Variants in UNC13A observed in about 807,000 individuals in gnomAD.
The protein encoded by UNC13A is unc-13 homolog A.
A neutral mutation model predicts 219.7 loss-of-function variants in UNC13A; 61 were observed. The ratio of observed to expected loss-of-function variants is 0.28; its 90% CI spans 0.23 to 0.34. UNC13A has a LOEUF of 0.34. Ranked by LOEUF, UNC13A falls within the 10% of genes least tolerant of loss-of-function variation. UNC13A has a pLI of 1.00. For synonymous variants in UNC13A, 920 were observed against 884.6 expected (o/e 1.04, Z -0.71); for missense variants, 1,476 against 2,270.3 (o/e 0.65, Z 7.11).
At chr19:17,672,124 T>C (rs1232281361) in intron 4 of UNC13A, among the ~76,000 whole-genome samples, 2 of 151,814 alleles carry the variant, frequency 1.3e-5, no homozygotes, top group African/African-American at 4.8e-5. Flanking sequence ...CTTTCGGTGG[T>C]TGGAATGAAG....
chr19:17,604,567 G>A lies in UNC13A; in HGVS notation c.*1487C>T, dbSNP rs1279512345. 1 of 152,186 alleles carries A rather than the reference G, an allele frequency of 6.6e-6. No homozygotes were observed. Among genetic ancestry groups the A allele is most frequent in the Non-Finnish European group, 1.5e-5 (1 of 68,100 alleles). 9.4% of individuals were successfully genotyped at this position (152,186 alleles called of 1,614,324 possible). On this transcript the variant is annotated 3_prime_UTR_variant, in exon 44 of 44. Transcript: ENST00000519716. ...GAAACCCAGCTACTCAGCTCACCCC[G>A]TTTTCATTTCTCCCTAGCACAGCAA...
chr19:17,605,360 G>C lies in UNC13A; in HGVS notation c.*694C>G, dbSNP rs776192318. On this transcript the variant is annotated 3_prime_UTR_variant, in exon 44 of 44. Coordinates refer to ENST00000519716, the MANE Select transcript of UNC13A (RefSeq NM_001080421.3). Reference sequence around the variant, plus strand: ...GACTGGGTTTGTTGGGGGAGAGGGAGAGGCAAACTCCCAAAGGGAAGTAGG... The same window carrying C: ...GACTGGGTTTGTTGGGGGAGAGGGACAGGCAAACTCCCAAAGGGAAGTAGG... 6.5e-6 allele frequency: 1 copy of C among 152,724 alleles called. No homozygotes were observed. The highest frequency in any genetic ancestry group is 2.4e-5 in the African/African-American group (1 of 41,456). 9.5% of individuals were successfully genotyped at this position (152,724 alleles called of 1,614,324 possible). A position where few individuals can be genotyped will look rare whatever the true frequency, so the allele number is the denominator to read the frequency against.
At chr19:17,652,776 A>T in intron 11 of UNC13A, 99 bp from the exon 12 acceptor site, 1 of 1,394,152 alleles carries the variant, frequency 7.2e-7, no homozygotes, top group Non-Finnish European at 1.0e-6. Context: ...GCTGGGAGTC[A>T]GATGGCCTGG....
At chr19:17,666,243 T>C (rs10411279) in intron 7 of UNC13A, among the ~76,000 whole-genome samples, 125,615 of 150,040 alleles carry the variant, frequency 0.84, 53,306 homozygotes, top group Middle Eastern at 0.92. Flanking sequence ...GTCAGAGTCT[T>C]GCTCTGTCAC....
intron 16 of UNC13A, among the ~76,000 whole-genome samples, chr19:17,647,998 C>T (rs573893958): frequency 5.4e-5 from 8 of 148,158 alleles, no homozygotes; most frequent in Admixed American, 3.4e-4. Context: ...GTCCCACCTC[C>T]TCTGAGTCCC....
In UNC13A at chr19:17,666,715, G is replaced by A. The variant is rs1179573673; in HGVS notation, c.469-11C>T. On this transcript the variant is annotated splice_polypyrimidine_tract_variant and intron_variant, in intron 6 of 43. Transcript: ENST00000519716. ...ATCTTGGAACGAATACTGAAGGGGT[G>A]GAGGAAGGAGAAAGGGCTTCTCTCA... 7.3e-6 allele frequency: 11 copies of A among 1,515,690 alleles called. No homozygotes were observed. Among genetic ancestry groups the A allele is most frequent in the Non-Finnish European group, 9.7e-6 (11 of 1,129,132 alleles). 93.9% of individuals were successfully genotyped at this position (1,515,690 alleles called of 1,614,324 possible).
intron 29 of UNC13A, 138 bp from the exon 30 acceptor site, chr19:17,630,426 A>C (rs2076830704): frequency 7.1e-7 from 1 of 1,410,838 alleles, no homozygotes; most frequent in East Asian, 2.5e-5. Context: ...AGGTAGACTT[A>C]GAGTCAACTC....
chr19:17,665,199 C>T (rs1397121341), intron 7 of UNC13A, among the ~76,000 whole-genome samples: 2 of 48,926 alleles, frequency 4.1e-5, no homozygotes, highest in African/African-American at 2.1e-4. Context: ...GACTCTATCT[C>T]CAAGAAAAAA....
intron 25 of UNC13A, among the ~76,000 whole-genome samples, chr19:17,638,104 C>T (rs1272425275): frequency 1.5e-5 from 2 of 137,194 alleles, no homozygotes; most frequent in African/African-American, 2.8e-5. Flanking sequence ...GCTCCCACAG[C>T]CTCCTGAGAT....
intron 7 of UNC13A, 138 bp from the exon 8 acceptor site, chr19:17,663,705 T>A: frequency 1.3e-6 from 1 of 790,192 alleles, no homozygotes; most frequent in Non-Finnish European, 2.1e-6. Context: ...GTACCTTCCC[T>A]GAGTATCACC....
intron 19 of UNC13A, among the ~76,000 whole-genome samples, chr19:17,645,010 T>C (rs1450157784): frequency 5.3e-5 from 2 of 37,570 alleles, no homozygotes; most frequent in African/African-American, 3.1e-4. Context: ...GCCTGGATTC[T>C]TTTTTTTTTT....
chr19:17,625,004 G>A (rs376551226), intron 34 of UNC13A, 52 bp from the exon 35 acceptor site: 1 of 1,589,376 alleles, frequency 6.3e-7, no homozygotes, highest in Non-Finnish European at 8.6e-7. Flanking sequence ...CCCACCCACA[G>A]ATCACCTTCC....
Position 17,624,885 on chromosome 19 carries a change from G to A in UNC13A, c.4141C>T (p.Leu1381=), listed in dbSNP as rs1301162022. Residue 1381 remains leucine (L), a synonymous_variant, in exon 35 of 44, where the codon CTG becomes TTG. Transcript: ENST00000519716. ...LKRVLKELWK[L]VMNTMEKTIV... ...GTTTTCTCCATGGTGTTCATAACCA[G>A]CTTCCACAGCTCCTTCAGCACTCGC... The A allele has an allele frequency of 6.2e-7, 1 of 1,613,908 alleles. No individual in the cohort carries two copies. The highest frequency in any genetic ancestry group is 2.2e-5 in the East Asian group (1 of 44,888).
chr19:17,602,172 T>C lies in UNC13A; in HGVS notation c.*3882A>G, dbSNP rs1316232657. On this transcript the variant is annotated 3_prime_UTR_variant, in exon 44 of 44. Coordinates refer to ENST00000519716, the MANE Select transcript of UNC13A (RefSeq NM_001080421.3). Reference sequence around the variant, plus strand: ...TGTGGACAGGCACCTCCTCATTTTATGCAAATCATTCGAGGACAGACTGGT... The same window carrying C: ...TGTGGACAGGCACCTCCTCATTTTACGCAAATCATTCGAGGACAGACTGGT... 6.6e-6 allele frequency: 1 copy of C among 152,648 alleles called. No homozygotes were observed. Among genetic ancestry groups the C allele is most frequent in the Non-Finnish European group, 1.5e-5 (1 of 68,060 alleles). The allele number at this position is 152,648 out of a possible 1,614,324, so 9.5% of individuals were successfully genotyped here.
chr19:17,680,884 C>CTTTTTTTTTTTTTTTTTTT (rs2079997096), intron 1 of UNC13A, among the ~76,000 whole-genome samples: 2 of 69,550 alleles, frequency 2.9e-5, no homozygotes, highest in African/African-American at 5.9e-5. Context: ...TTTTTCTTTT[C>CTTTTTTTTTTTTTTTTTTT]TTTTCTTTTT....
chr19:17,620,446 C>T (rs1200075720), intron 38 of UNC13A, among the ~76,000 whole-genome samples: 1 of 152,080 alleles, frequency 6.6e-6, no homozygotes, highest in Non-Finnish European at 1.5e-5. Flanking sequence ...GCCTCAGTTT[C>T]CCCTGCTGCA....
In UNC13A at chr19:17,649,919, C is replaced by T. The variant is rs146220052; in HGVS notation, c.1440-332G>A. 2.4e-4 allele frequency among the ~76,000 whole-genome samples: 37 copies of T among 152,184 alleles called. No individual in the cohort carries two copies. In the East Asian group the frequency reaches 5.8e-3, roughly 24 times the overall value. ...AGCGACGTATCTACAAACCAATACT[C>T]GGGGGCCAAGGAATTCAAGCAAACT... On this transcript the variant is annotated intron_variant, in intron 12 of 43. Transcript: ENST00000519716. The surrounding 1 kb of genome is among the most constrained non-coding windows in gnomAD (Gnocchi z 4.4).
chr19:17,611,679 C>CAA, intron 42 of UNC13A, 84 bp downstream of exon 42: 2 of 1,282,028 alleles, frequency 1.6e-6, no homozygotes, highest in Non-Finnish European at 2.2e-6. Context: ...ACAACAACAA[C>CAA]AAAAAAAGGG....
chr19:17,647,082 T>C (rs1017989385), intron 17 of UNC13A, among the ~76,000 whole-genome samples, 183 bp downstream of exon 17: 1 of 152,298 alleles, frequency 6.6e-6, no homozygotes, highest in Non-Finnish European at 1.5e-5. Context: ...TACAGTGCCA[T>C]GAACAGGCGT....
Sources: allele counts gnomAD v4.1 joint callset (sites outside exome capture counted in the v4.1 genomes callset), GRCh38; gene constraint gnomAD v4.1.1; non-coding constraint Gnocchi (gnomAD v3.1); transcripts MANE v1.5; gene names NCBI Gene and HGNC (gene_info 2026-07-23, HGNC 2026-07-21).